CCPG1: variants seen among roughly 807,000 people sequenced by gnomAD.
CCPG1 encodes cell cycle progression protein 1.
CCPG1 carries 46 observed loss-of-function variants against 81.3 expected under a neutral mutation model. That is an observed-to-expected ratio of 0.57 (90% CI 0.45 to 0.72). CCPG1 has a LOEUF of 0.72. Among genes scored for constraint, CCPG1 ranks in the 30% least tolerant of loss-of-function variants. The pLI is 0.00. For synonymous variants in CCPG1, 330 were observed against 305.2 expected (o/e 1.08, Z -0.85); for missense variants, 902 against 937.6 (o/e 0.96, Z 0.50).
At chr15:55,404,232 CG>C (rs2057175740) in intron 1 of CCPG1, among the ~76,000 whole-genome samples, 1 of 150,458 alleles carries the variant, frequency 6.6e-6, no homozygotes, top group Non-Finnish European at 1.5e-5. Context: ...TGAAAAACAA[CG>C]TGTTACCAGT....
chr15:55,399,417 CAAAAAAAAA>C (rs56191750), intron 1 of CCPG1, among the ~76,000 whole-genome samples: 103 of 63,134 alleles, frequency 1.6e-3, no homozygotes, highest in African/African-American at 4.3e-3. Flanking sequence ...ACTAAAAATA[CAAAAAAAAA>C]AAAAAAAAAA....
chr15:55,408,181 C>G (rs2057275610), intron 1 of CCPG1, 40 bp downstream of exon 1: 1 of 152,462 alleles, frequency 6.6e-6, no homozygotes. Flanking sequence ...ACAGTCGGCA[C>G]AAACCCCCTC....
intron 1 of CCPG1, among the ~76,000 whole-genome samples, chr15:55,396,742 A>C (rs2057024323): frequency 6.6e-6 from 1 of 152,200 alleles, no homozygotes; most frequent in African/African-American, 2.4e-5. Context: ...TTCATTGCTG[A>C]AGTATATGTG....
At chr15:55,399,429 A>AAAAC (rs2057084085) in intron 1 of CCPG1, among the ~76,000 whole-genome samples, 1 of 151,056 alleles carries the variant, frequency 6.6e-6, no homozygotes, top group Non-Finnish European at 1.5e-5. Flanking sequence ...AAAAAAAAAA[A>AAAAC]AAAAAAAAAA....
chr15:55,371,907 G>T lies in CCPG1; in HGVS notation c.592C>A (p.Gln198Lys), dbSNP rs764973689. The change falls in exon 6 of 9, where the codon CAA (glutamine) becomes AAA (lysine). Residue 198 changes from glutamine to lysine, a missense_variant. By Grantham distance (53) the Gln-to-Lys change is moderately conservative. Coordinates refer to ENST00000442196, the MANE Select transcript of CCPG1 (RefSeq NM_001204450.2). ...SESEDRLVAE[Q>K]ETEPSKELSK... ...AACTCCTTAGAAGGTTCAGTTTCTT[G>T]TTCAGCAACTAGCCGGTCTTCAGAT... 1.2e-6 allele frequency: 2 copies of T among 1,614,152 alleles called. No individual in the cohort carries two copies. The highest frequency in any genetic ancestry group is 1.1e-5 in the South Asian group (1 of 91,088).
chr15:55,359,727 A>G lies in CCPG1; in HGVS notation c.2046T>C (p.Asn682=). The change falls in exon 8 of 9, where the codon AAT becomes AAC. Residue 682 remains asparagine (N), a synonymous_variant. Coordinates refer to ENST00000442196, the MANE Select transcript of CCPG1 (RefSeq NM_001204450.2). ...CHWNELDQFI[N]KFFLNGVFIH... ...TAAAGACACCGTTTAGGAAAAACTT[A>G]TTGATGAACTGATCAAGTTCGTTCC... The G allele has an allele frequency of 6.2e-7, 1 of 1,613,638 alleles. No homozygotes were observed. The highest frequency in any genetic ancestry group is 8.5e-7 in the Non-Finnish European group (1 of 1,179,900).
intron 5 of CCPG1, among the ~76,000 whole-genome samples, chr15:55,376,523 T>C (rs1179500869): frequency 2.6e-5 from 4 of 152,358 alleles, no homozygotes; most frequent in African/African-American, 9.6e-5. Context: ...TAAATGTTTG[T>C]TGCATGATTA....
At chr15:55,393,075 G>C (rs1467964617) in intron 1 of CCPG1, among the ~76,000 whole-genome samples, 2 of 152,196 alleles carry the variant, frequency 1.3e-5, no homozygotes, top group Non-Finnish European at 2.9e-5. Flanking sequence ...TTGCACTCCA[G>C]CCTGGGCAAC....
intron 3 of CCPG1, among the ~76,000 whole-genome samples, chr15:55,379,820 C>T (rs1052148562): frequency 2.0e-5 from 3 of 151,804 alleles, no homozygotes; most frequent in Non-Finnish European, 4.4e-5. Flanking sequence ...GCATAAAGGC[C>T]GGGCACAGTG....
At chr15:55,368,497 T>C (rs1486066860) in intron 6 of CCPG1, among the ~76,000 whole-genome samples, 1 of 152,194 alleles carries the variant, frequency 6.6e-6, no homozygotes, top group Admixed American at 6.5e-5. Flanking sequence ...TGTTATATAA[T>C]AGTCTGCCGA....
At chr15:55,392,319 C>A (rs1191739598) in intron 1 of CCPG1, among the ~76,000 whole-genome samples, 1 of 150,332 alleles carries the variant, frequency 6.7e-6, no homozygotes. Flanking sequence ...TCAAGCGATT[C>A]TCCTGCCTCA....
At chr15:55,400,806 C>G (rs925272303) in intron 1 of CCPG1, among the ~76,000 whole-genome samples, 1 of 152,148 alleles carries the variant, frequency 6.6e-6, no homozygotes, top group African/African-American at 2.4e-5. Flanking sequence ...TCCTCATCTC[C>G]TTTTCTGTGA....
chr15:55,392,111 A>G (rs73406921), intron 1 of CCPG1, among the ~76,000 whole-genome samples: 26,607 of 151,396 alleles, frequency 0.18, 4,061 homozygotes, highest in African/African-American at 0.42. Flanking sequence ...CACAGGAAAA[A>G]CAAAGGCAGA....
rs117236526 is a variant in CCPG1, at chr15:55,371,912, G to C, written c.587C>G (p.Ala196Gly). ...CTTAGAAGGTTCAGTTTCTTGTTCA[G>C]CAACTAGCCGGTCTTCAGATTCTGA... The part of the protein sequence containing the change: ...SASESEDRLV[A>G]EQETEPSKEL... Residue 196 changes from alanine (A) to glycine (G), a missense_variant, in exon 6 of 9, where the codon GCT (alanine) becomes GGT (glycine). This residue lies in a region of CCPG1 where 746 missense variants were observed against 728.6 expected (regional missense o/e 1.02). Transcript: ENST00000442196. The C allele has an allele frequency of 0.068, 110,022 of 1,614,016 alleles. 4,284 individuals carry two copies. The highest frequency in any genetic ancestry group is 0.11 in the South Asian group (9,925 of 91,080).
intron 5 of CCPG1, among the ~76,000 whole-genome samples, chr15:55,375,091 G>A (rs1268666366): frequency 6.6e-6 from 1 of 152,196 alleles, no homozygotes; most frequent in East Asian, 1.9e-4. Context: ...TAAAAATACA[G>A]TTAATCAAAT....
intron 8 of CCPG1, chr15:55,357,017 T>C: frequency 1.0e-6 from 1 of 985,474 alleles, no homozygotes; most frequent in African/African-American, 1.7e-5. Flanking sequence ...AAGGTACCAC[T>C]CCCCACTCCT....
At chr15:55,366,649 G>T (rs533783038) in intron 6 of CCPG1, among the ~76,000 whole-genome samples, 1 of 152,148 alleles carries the variant, frequency 6.6e-6, no homozygotes, top group African/African-American at 2.4e-5. Context: ...GCATGTGCCT[G>T]TAATCCCAGC....
intron 2 of CCPG1, among the ~76,000 whole-genome samples, chr15:55,386,747 A>G (rs937952420): frequency 1.3e-5 from 2 of 151,782 alleles, no homozygotes; most frequent in Non-Finnish European, 2.9e-5. Flanking sequence ...ACAAAAAAAA[A>G]ATAGCCGAGC....
intron 8 of CCPG1, chr15:55,358,572 G>T: frequency 1.0e-6 from 1 of 985,326 alleles, no homozygotes; most frequent in Non-Finnish European, 1.2e-6. Flanking sequence ...TCCCTTCCCT[G>T]TCTGCATAGC....
Sources: gnomAD v4.1 joint callset for allele counts (sites outside exome capture counted in the v4.1 genomes callset) on GRCh38, gnomAD v4.1.1 for gene constraint, gnomAD v4.1.1 regional missense constraint, MANE v1.5 for transcripts, NCBI Gene and HGNC (gene_info 2026-07-23, HGNC 2026-07-21) for gene names.